SPATA17: variants seen among roughly 807,000 people sequenced by gnomAD.
SPATA17 encodes the protein spermatogenesis-associated protein 17.
Under a neutral mutation model 62.2 loss-of-function variants are expected in SPATA17, and 53 were observed. That is an observed-to-expected ratio of 0.85 (90% confidence interval 0.68 to 1.07). The LOEUF is 1.07. Ranked by LOEUF, SPATA17 falls within the 50% of genes least tolerant of loss-of-function variation. The pLI, the probability that SPATA17 is intolerant of heterozygous loss-of-function variation, is 0.00. For synonymous variants in SPATA17, 146 were observed against 146.8 expected, an observed-to-expected ratio of 0.99 and a Z score of 0.04; for missense variants, 466 against 425.5, an observed-to-expected ratio of 1.10 and a Z score of -0.84.
intron 9 of SPATA17, among the ~76,000 whole-genome samples, chr1:217,808,383 CCCCCT>C (rs1674497323): frequency 1.5e-5 from 1 of 68,830 alleles, no homozygotes; most frequent in Non-Finnish European, 4.2e-5. Flanking sequence ...ACACACACAC[CCCCCT>C]CAGAATTTAT....
chr1:217,820,610 C>T (rs1674833618), intron 9 of SPATA17, among the ~76,000 whole-genome samples: 1 of 151,554 alleles, frequency 6.6e-6, no homozygotes, highest in South Asian at 2.1e-4. Context: ...AGAGAAGAAT[C>T]CTTGAGTTCA....
chr1:217,658,116 G>A (rs1346986832), intron 3 of SPATA17, among the ~76,000 whole-genome samples: 2 of 152,150 alleles, frequency 1.3e-5, no homozygotes, highest in African/African-American at 4.8e-5. Flanking sequence ...TGAGATTTGG[G>A]TGGGGACACA....
intron 5 of SPATA17, among the ~76,000 whole-genome samples, chr1:217,718,034 T>C (rs574327576): frequency 2.6e-5 from 4 of 152,330 alleles, no homozygotes; most frequent in African/African-American, 9.6e-5. Flanking sequence ...TTCACAAGTA[T>C]GTGAGTCCAA....
intron 4 of SPATA17, among the ~76,000 whole-genome samples, chr1:217,674,889 G>A (rs886310333): frequency 2.6e-5 from 4 of 152,182 alleles, no homozygotes; most frequent in African/African-American, 9.7e-5. Flanking sequence ...ATAGGCACAG[G>A]ATAGGGGAGA....
chr1:217,707,474 T>C (rs565153139), intron 5 of SPATA17, among the ~76,000 whole-genome samples: 2 of 152,028 alleles, frequency 1.3e-5, no homozygotes, highest in Non-Finnish European at 2.9e-5. Flanking sequence ...TGAGTAGGAG[T>C]GGTGAGAGAG....
chr1:217,744,791 G>C (rs542327942), intron 6 of SPATA17, among the ~76,000 whole-genome samples: 1 of 152,080 alleles, frequency 6.6e-6, no homozygotes, highest in Non-Finnish European at 1.5e-5. Flanking sequence ...CTCCCACTAA[G>C]GGTAATATAT....
At chr1:217,674,199 T>A (rs144925927) in intron 4 of SPATA17, among the ~76,000 whole-genome samples, 85 of 152,236 alleles carry the variant, frequency 5.6e-4, no homozygotes, top group African/African-American at 1.8e-3. Flanking sequence ...TGACTTCCAG[T>A]GAGGAAGCAA....
intron 5 of SPATA17, among the ~76,000 whole-genome samples, chr1:217,687,014 C>T (rs1412706604): frequency 6.6e-6 from 1 of 152,194 alleles, no homozygotes; most frequent in Non-Finnish European, 1.5e-5. Context: ...CCAACGTGTC[C>T]AGCTGCATGA....
intron 9 of SPATA17, among the ~76,000 whole-genome samples, chr1:217,817,355 C>T (rs1344569581): frequency 1.3e-5 from 2 of 152,022 alleles, no homozygotes; most frequent in South Asian, 2.1e-4. Context: ...AACAAGTTCT[C>T]ATAAGATCTG....
At chr1:217,670,658 T>A (rs1670811331) in intron 4 of SPATA17, among the ~76,000 whole-genome samples, 1 of 152,152 alleles carries the variant, frequency 6.6e-6, no homozygotes, top group Non-Finnish European at 1.5e-5. Flanking sequence ...GGTTAAGAAA[T>A]TCCCACACCT....
Position 217,760,727 on chromosome 1 carries a change from G to A in SPATA17, c.520-13607G>A, listed in dbSNP as rs896464921. Among the ~76,000 whole-genome samples the A allele has an allele frequency of 3.9e-5, 6 of 152,044 alleles. No individual in the cohort carries two copies. The South Asian group carries it at 6.2e-4, about 16-fold the overall frequency. ...TTTTCTTTAACAAAAGAAAATTTTCGTTCACTTGTCTAGTTCTGTAATTCT... is the reference window on the plus strand; with the variant it reads ...TTTTCTTTAACAAAAGAAAATTTTCATTCACTTGTCTAGTTCTGTAATTCT... On this transcript the variant is annotated intron_variant, in intron 6 of 10. Coordinates refer to ENST00000366933, the MANE Select transcript of SPATA17 (RefSeq NM_138796.4).
chr1:217,636,760 CT>C (rs1179433974), intron 1 of SPATA17, among the ~76,000 whole-genome samples: 1 of 152,178 alleles, frequency 6.6e-6, no homozygotes, highest in Non-Finnish European at 1.5e-5. Context: ...AAGCATTTTG[CT>C]TTTATTTTTC....
At chr1:217,835,795 A>C (rs1423407628) in intron 9 of SPATA17, among the ~76,000 whole-genome samples, 3 of 152,062 alleles carry the variant, frequency 2.0e-5, no homozygotes, top group African/African-American at 7.2e-5. Flanking sequence ...AAAATATGCA[A>C]CTTCTCCGAT....
At chr1:217,762,459 C>G (rs148904312) in intron 6 of SPATA17, among the ~76,000 whole-genome samples, 1,760 of 152,292 alleles carry the variant, frequency 0.012, 18 homozygotes, top group Non-Finnish European at 0.018. Flanking sequence ...AGTATCAATG[C>G]CTTTTGATTC....
chr1:217,661,853 C>T (rs960225968), intron 3 of SPATA17, among the ~76,000 whole-genome samples: 3 of 152,120 alleles, frequency 2.0e-5, no homozygotes, highest in African/African-American at 7.2e-5. Flanking sequence ...TTTACTGTGG[C>T]CTGTTCATTT....
chr1:217,697,358 A>T (rs910551759), intron 5 of SPATA17, among the ~76,000 whole-genome samples: 13 of 152,224 alleles, frequency 8.5e-5, no homozygotes, highest in African/African-American at 3.1e-4. Flanking sequence ...ATGCATTACA[A>T]TTTATGTGTT....
chr1:217,659,192 A>G (rs1461246557), intron 3 of SPATA17, among the ~76,000 whole-genome samples: 1 of 108,860 alleles, frequency 9.2e-6, no homozygotes, highest in African/African-American at 3.2e-5. Context: ...ATCAAAACAC[A>G]CACACACACA....
At chr1:217,765,937 T>G (rs1316380371) in intron 6 of SPATA17, among the ~76,000 whole-genome samples, 3 of 152,066 alleles carry the variant, frequency 2.0e-5, no homozygotes, top group Non-Finnish European at 2.9e-5. Context: ...TAATTTTCCT[T>G]ACTTTTAAGT....
intron 4 of SPATA17, among the ~76,000 whole-genome samples, chr1:217,677,607 G>GAAAAGAAGGGACA (rs1470254634): frequency 6.6e-6 from 1 of 152,044 alleles, no homozygotes; most frequent in East Asian, 1.9e-4. Context: ...GCCTATGGAA[G>GAAAAGAAGGGACA]AAAAGAAGGG....
Sources: allele counts gnomAD v4.1 joint callset (sites outside exome capture counted in the v4.1 genomes callset), GRCh38; gene constraint gnomAD v4.1.1; transcripts MANE v1.5; gene names NCBI Gene and HGNC (gene_info 2026-07-23, HGNC 2026-07-21).